GPR149: variants seen among roughly 807,000 people sequenced by gnomAD.
The protein encoded by GPR149 is G protein-coupled receptor 149, also known as probable G protein-coupled receptor 149.
Under a neutral mutation model 50.2 loss-of-function variants are expected in GPR149, and 50 were observed. The observed-to-expected ratio is 1.00, with a 90% CI of 0.79 to 1.26. The LOEUF (loss-of-function observed/expected upper bound fraction) is 1.26, where lower values mean the gene tolerates loss of function less well. Ranked by LOEUF, GPR149 falls within the 50% of genes most tolerant of loss-of-function variation. The pLI is 0.00. For missense variants in GPR149, 983 were observed against 895.4 expected (o/e 1.10, Z -1.25); for synonymous variants, 405 against 358.2 (o/e 1.13, Z -1.48).
At chr3:154,391,046 C>T (rs1715158407) in intron 3 of GPR149, among the ~76,000 whole-genome samples, 1 of 151,926 alleles carries the variant, frequency 6.6e-6, no homozygotes. Flanking sequence ...ACCAGACCTG[C>T]CTAACAAGAA....
intron 3 of GPR149, among the ~76,000 whole-genome samples, chr3:154,341,292 C>A (rs1457598976): frequency 4.1e-5 from 3 of 72,954 alleles, no homozygotes; most frequent in East Asian, 1.7e-3. Context: ...AAAAATAAGA[C>A]ATATATATAT....
chr3:154,393,636 A>G (rs1277867603), intron 3 of GPR149, among the ~76,000 whole-genome samples: 1 of 151,986 alleles, frequency 6.6e-6, no homozygotes, highest in Non-Finnish European at 1.5e-5. Flanking sequence ...AAAGTTATCC[A>G]TGCTTGCAGA....
chr3:154,429,572 AG>A lies in GPR149; in HGVS notation c.43del (p.Leu15CysfsTer12), dbSNP rs759187455. 1 of 1,613,250 alleles carries A rather than the reference AG, an allele frequency of 6.2e-7. No homozygotes were observed. Among genetic ancestry groups the A allele is most frequent in the African/African-American group, 1.3e-5 (1 of 75,010 alleles). ...LSNLSTNDSS[L>X]WKENHNSTDL... ...CGTAGAATTATGATTCTCTTTCCAC[AG>A]GCTAGAGTCATTTGTTGATAAGTTA... On this transcript the variant is annotated frameshift_variant, in exon 1 of 4. Coordinates refer to ENST00000389740, the MANE Select transcript of GPR149 (RefSeq NM_001038705.3). LOFTEE classifies it high-confidence loss of function.
At chr3:154,349,900 G>A (rs545376238) in intron 3 of GPR149, among the ~76,000 whole-genome samples, 20 of 152,126 alleles carry the variant, frequency 1.3e-4, no homozygotes, top group African/African-American at 4.6e-4. Flanking sequence ...GATCAAGCAG[G>A]GTTTCTTTCA....
chr3:154,375,932 C>A (rs1481155028), intron 3 of GPR149, among the ~76,000 whole-genome samples: 1 of 152,202 alleles, frequency 6.6e-6, no homozygotes, highest in African/African-American at 2.4e-5. Context: ...CATCCATGCT[C>A]CTGCTTTCAG....
Position 154,429,274 on chromosome 3 carries a change from G to A in GPR149, c.342C>T (p.Cys114=), listed in dbSNP as rs1171589380. 6.2e-7 allele frequency: 1 copy of A among 1,614,184 alleles called. No individual in the cohort carries two copies. Among genetic ancestry groups the A allele is most frequent in the South Asian group, 1.1e-5 (1 of 91,086 alleles). ...CCTTCAAGTTGCTAGAGAGGCCCTG[G>A]CATAAATACATTAAGGCAGAGGTGG... ...LCTTSALMYL[C]QGLSSNLKAT... The change falls in exon 1 of 4, where the codon TGC becomes TGT. Residue 114 remains cysteine, a synonymous_variant. Transcript: ENST00000389740.
Position 154,392,637 on chromosome 3 carries a change from AG to A in GPR149, c.1623+28401del, listed in dbSNP as rs1715196904. ...TAAAAATGTGACAAAAATGGACAAA[AG>A]TAAGAGTTTATTTTTTGAAAGTATA... is the stretch of plus-strand genomic sequence containing the variant. On this transcript the variant is annotated intron_variant, in intron 3 of 3. Coordinates refer to ENST00000389740, the MANE Select transcript of GPR149 (RefSeq NM_001038705.3). 3.9e-5 allele frequency among the ~76,000 whole-genome samples: 6 copies of A among 151,952 alleles called. No individual in the cohort carries two copies. In the South Asian group the frequency reaches 8.3e-4, roughly 21 times the overall value.
intron 3 of GPR149, among the ~76,000 whole-genome samples, chr3:154,385,684 A>ATTTC (rs939393704): frequency 4.7e-5 from 7 of 148,946 alleles, no homozygotes; most frequent in South Asian, 2.1e-4. Context: ...ACTTTCACAA[A>ATTTC]TTTCTTTCTT....
intron 3 of GPR149, among the ~76,000 whole-genome samples, chr3:154,370,284 T>C (rs964056018): frequency 6.6e-6 from 1 of 151,940 alleles, no homozygotes; most frequent in Non-Finnish European, 1.5e-5. Context: ...CTGGCAACCT[T>C]GGTATTCTAT....
At chr3:154,411,616 C>T (rs1711836402) in intron 3 of GPR149, among the ~76,000 whole-genome samples, 1 of 151,862 alleles carries the variant, frequency 6.6e-6, no homozygotes, top group South Asian at 2.1e-4. Flanking sequence ...GAATAAATTC[C>T]CTGAATTATA....
At chr3:154,376,638 G>A (rs1714797671) in intron 3 of GPR149, among the ~76,000 whole-genome samples, 1 of 152,192 alleles carries the variant, frequency 6.6e-6, no homozygotes. Flanking sequence ...TTCATGTTTT[G>A]TCTTAGAGAA....
intron 3 of GPR149, among the ~76,000 whole-genome samples, chr3:154,345,685 T>C (rs1398981803): frequency 1.3e-5 from 2 of 152,212 alleles, no homozygotes; most frequent in African/African-American, 4.8e-5. Flanking sequence ...TTTTGATTTC[T>C]TCACTACGAG....
intron 3 of GPR149, chr3:154,353,505 C>T: frequency 2.2e-6 from 2 of 890,098 alleles, no homozygotes; most frequent in Admixed American, 1.7e-5. Context: ...ATCCAATCAG[C>T]CACTCTGCAG....
At position 154,386,710 on chromosome 3, in the gene GPR149, G is replaced by A. The variant is rs541851705; in HGVS notation, c.1623+34329C>T. ...CTACTCCTGTAAAAGACATGCTGAA[G>A]AAAACAAAAGATTAAGGACAAAAAA... On this transcript the variant is annotated intron_variant, in intron 3 of 3. Coordinates refer to ENST00000389740, the MANE Select transcript of GPR149 (RefSeq NM_001038705.3). 3.9e-5 allele frequency among the ~76,000 whole-genome samples: 6 copies of A among 152,120 alleles called. No homozygotes were observed. The East Asian group carries it at 7.7e-4, about 20-fold the overall frequency.
At chr3:154,356,797 C>T (rs991626410) in intron 3 of GPR149, among the ~76,000 whole-genome samples, 1 of 152,072 alleles carries the variant, frequency 6.6e-6, no homozygotes, top group Non-Finnish European at 1.5e-5. Context: ...CATCAAGCTA[C>T]CAATGACTTT....
chr3:154,417,566 G>A (rs1036483664), intron 3 of GPR149, among the ~76,000 whole-genome samples: 1 of 151,994 alleles, frequency 6.6e-6, no homozygotes, highest in African/African-American at 2.4e-5. Flanking sequence ...ATTAAATGTA[G>A]TACCATTAGA....
rs1188879329 is a variant in GPR149, at chr3:154,411,445, C to T, written c.1623+9594G>A. Among the ~76,000 whole-genome samples, 6 of 151,872 alleles carry T rather than the reference C, an allele frequency of 4.0e-5. No homozygotes were observed. The East Asian group carries it at 1.2e-3, about 29-fold the overall frequency. On this transcript the variant is annotated intron_variant, in intron 3 of 3. Transcript: ENST00000389740. Reference sequence around the variant, plus strand: ...TGAAAAGATAAATAAAATCTGTAGACCATTAGCGAGATTTATCAAGAAAAG... The same window carrying T: ...TGAAAAGATAAATAAAATCTGTAGATCATTAGCGAGATTTATCAAGAAAAG...
chr3:154,367,709 T>C (rs1192266216), intron 3 of GPR149, among the ~76,000 whole-genome samples: 1 of 152,172 alleles, frequency 6.6e-6, no homozygotes, highest in African/African-American at 2.4e-5. Flanking sequence ...ACAGCTTTTT[T>C]TCTCTTGGTC....
At chr3:154,391,556 T>TAA (rs11385801) in intron 3 of GPR149, among the ~76,000 whole-genome samples, 16 of 150,792 alleles carry the variant, frequency 1.1e-4, no homozygotes, top group Non-Finnish European at 3.0e-5. Context: ...TACAAGGTAG[T>TAA]AAAAAAACAT....
Sources: gnomAD v4.1 joint callset for allele counts (sites outside exome capture counted in the v4.1 genomes callset) on GRCh38, gnomAD v4.1.1 for gene constraint, MANE v1.5 for transcripts, NCBI Gene and HGNC (gene_info 2026-07-23, HGNC 2026-07-21) for gene names.